Variants in GALNTL6 observed in about 807,000 individuals in gnomAD.
GALNTL6 encodes polypeptide N-acetylgalactosaminyltransferase like 6.
A neutral mutation model predicts 73.7 loss-of-function variants in GALNTL6; 46 were observed. That is an observed-to-expected ratio of 0.62 (90% confidence interval 0.49 to 0.80). The LOEUF (loss-of-function observed/expected upper bound fraction) is 0.80, where lower values mean the gene tolerates loss of function less well. Among genes scored for constraint, GALNTL6 ranks in the 30% least tolerant of loss-of-function variants. The probability of loss-of-function intolerance (pLI) is 0.00; values close to 1 mark genes in which losing one functional copy is unlikely to be tolerated. For synonymous variants in GALNTL6, 259 were observed against 263.7 expected (o/e 0.98, Z 0.17); for missense variants, 604 against 755.0 (o/e 0.80, Z 2.34).
In GALNTL6 at chr4:172,689,734, G is replaced by A. The variant is rs552820685; in HGVS notation, c.554-119627G>A. ...CTGTATTCGTCAACATGTTAACCAC[G>A]CCAAATATTTAACAGTGTCCTAGAA... On this transcript the variant is annotated intron_variant, in intron 5 of 12. Transcript: ENST00000506823. 2.0e-4 allele frequency among the ~76,000 whole-genome samples: 31 copies of A among 152,132 alleles called. No homozygotes were observed. In the South Asian group the frequency reaches 2.1e-3, roughly 10 times the overall value.
At chr4:173,030,549 G>A (rs1012610322) in intron 12 of GALNTL6, among the ~76,000 whole-genome samples, 4 of 152,114 alleles carry the variant, frequency 2.6e-5, no homozygotes, top group Admixed American at 2.0e-4. Flanking sequence ...AAAGAATCTT[G>A]TTAATAGGAA....
chr4:172,303,607 A>T (rs1286302231), intron 3 of GALNTL6, among the ~76,000 whole-genome samples: 1 of 152,190 alleles, frequency 6.6e-6, no homozygotes, highest in Non-Finnish European at 1.5e-5. Context: ...TGGGATACAC[A>T]TAGATTGTAA....
intron 2 of GALNTL6, among the ~76,000 whole-genome samples, chr4:172,185,902 T>C (rs1037956918): frequency 6.6e-6 from 1 of 152,172 alleles, no homozygotes; most frequent in African/African-American, 2.4e-5. Flanking sequence ...ATCTCAACTA[T>C]GCTAATGCAA....
intron 5 of GALNTL6, among the ~76,000 whole-genome samples, chr4:172,548,314 G>T (rs1237350083): frequency 6.6e-6 from 1 of 152,182 alleles, no homozygotes; most frequent in Non-Finnish European, 1.5e-5. Flanking sequence ...CACTCCAGGT[G>T]ATATGTGGCT....
rs879765235 is a variant in GALNTL6, at chr4:172,229,491, G to T, written c.139-165G>T. Among the ~76,000 whole-genome samples the T allele has an allele frequency of 3.0e-4, 45 of 152,194 alleles. 1 individual carries two copies. Among genetic ancestry groups the T allele is most frequent in the Non-Finnish European group, 7.3e-5 (5 of 68,044 alleles). Reference sequence around the variant, plus strand: ...AAAGGTTAAAAAAAAGATTTAAAATGTGTATAAATCTGGTCACCAGCGATA... The same window carrying T: ...AAAGGTTAAAAAAAAGATTTAAAATTTGTATAAATCTGGTCACCAGCGATA... On this transcript the variant is annotated intron_variant, in intron 2 of 12. Coordinates refer to ENST00000506823, the MANE Select transcript of GALNTL6 (RefSeq NM_001034845.3).
intron 4 of GALNTL6, among the ~76,000 whole-genome samples, chr4:172,321,243 G>T (rs1206951291): frequency 6.6e-6 from 1 of 152,106 alleles, no homozygotes; most frequent in African/African-American, 2.4e-5. Context: ...GGATGTGGGG[G>T]TTGGGGGTTG....
At chr4:172,111,664 T>G (rs560393017) in intron 2 of GALNTL6, among the ~76,000 whole-genome samples, 1 of 152,062 alleles carries the variant, frequency 6.6e-6, no homozygotes, top group Non-Finnish European at 1.5e-5. Flanking sequence ...ACAACTACAG[T>G]GAGATACTTG....
chr4:172,956,053 G>T (rs1230537994), intron 10 of GALNTL6, among the ~76,000 whole-genome samples: 1 of 152,128 alleles, frequency 6.6e-6, no homozygotes, highest in Non-Finnish European at 1.5e-5. Flanking sequence ...CTTTGGCTCA[G>T]AGGCCTGACA....
chr4:172,961,606 C>T (rs773323126), intron 10 of GALNTL6, among the ~76,000 whole-genome samples: 6 of 152,094 alleles, frequency 3.9e-5, no homozygotes, highest in African/African-American at 7.2e-5. Context: ...ACGGGTAAAA[C>T]GTGTCTCCTT....
At chr4:172,757,850 T>C (rs1422556582) in intron 5 of GALNTL6, among the ~76,000 whole-genome samples, 2 of 152,244 alleles carry the variant, frequency 1.3e-5, no homozygotes, top group South Asian at 2.1e-4. Flanking sequence ...ATTTATATAA[T>C]TTTTGATAAA....
intron 2 of GALNTL6, among the ~76,000 whole-genome samples, chr4:172,219,199 G>GTATATATATATATATATA (rs34783084): frequency 0.068 from 7,827 of 114,808 alleles, 417 homozygotes; most frequent in Non-Finnish European, 0.079. Context: ...TTAAGCAAGT[G>GTATATATATATATATATA]TATATATATA....
chr4:171,917,987 A>G (rs1187328839), intron 2 of GALNTL6, among the ~76,000 whole-genome samples: 1 of 152,074 alleles, frequency 6.6e-6, no homozygotes, highest in Non-Finnish European at 1.5e-5. Flanking sequence ...AAGCATCCAA[A>G]CATTTTTTAA....
intron 2 of GALNTL6, among the ~76,000 whole-genome samples, chr4:172,003,383 A>G (rs1417098695): frequency 6.6e-6 from 1 of 152,178 alleles, no homozygotes; most frequent in Non-Finnish European, 1.5e-5. Context: ...TTCAAAGTAC[A>G]GTTAGAACAG....
intron 5 of GALNTL6, among the ~76,000 whole-genome samples, chr4:172,677,463 T>TCC (rs1003019442): frequency 1.1e-4 from 17 of 152,230 alleles, no homozygotes; most frequent in African/African-American, 4.1e-4. Context: ...TCAGTGTGCT[T>TCC]CCACCATGTT....
At chr4:171,978,828 G>T (rs1199045170) in intron 2 of GALNTL6, among the ~76,000 whole-genome samples, 1 of 151,750 alleles carries the variant, frequency 6.6e-6, no homozygotes, top group Non-Finnish European at 1.5e-5. Context: ...GAGCTTCTTG[G>T]CTTAGGAAAC....
At chr4:172,138,399 T>G (rs983463015) in intron 2 of GALNTL6, among the ~76,000 whole-genome samples, 2 of 139,924 alleles carry the variant, frequency 1.4e-5, no homozygotes, top group African/African-American at 5.3e-5. Flanking sequence ...TCTATTGCTT[T>G]CCTTCATTTT....
intron 2 of GALNTL6, among the ~76,000 whole-genome samples, chr4:171,895,190 T>A (rs1736872677): frequency 6.6e-6 from 1 of 152,194 alleles, no homozygotes; most frequent in Non-Finnish European, 1.5e-5. Flanking sequence ...GCTACTAGAA[T>A]TAAAAATATT....
chr4:172,392,371 C>G (rs983497749), intron 5 of GALNTL6, among the ~76,000 whole-genome samples: 27 of 152,208 alleles, frequency 1.8e-4, no homozygotes, highest in African/African-American at 6.0e-4. Context: ...AAAGACCAAT[C>G]AAGCTTTGAG....
At chr4:172,530,154 C>T (rs946266945) in intron 5 of GALNTL6, among the ~76,000 whole-genome samples, 5 of 152,050 alleles carry the variant, frequency 3.3e-5, no homozygotes, top group African/African-American at 1.2e-4. Context: ...CTCGAAGCTA[C>T]CAACCTTTAT....
Sources: allele counts gnomAD v4.1 joint callset (sites outside exome capture counted in the v4.1 genomes callset), GRCh38; gene constraint gnomAD v4.1.1; transcripts MANE v1.5; gene names NCBI Gene and HGNC (gene_info 2026-07-23, HGNC 2026-07-21).